TTC27: variants seen among roughly 807,000 people sequenced by gnomAD.
TTC27 encodes tetratricopeptide repeat protein 27.
Under a neutral mutation model 115.9 loss-of-function variants are expected in TTC27, and 79 were observed. The ratio of observed to expected loss-of-function variants is 0.68; its 90% CI spans 0.57 to 0.82. TTC27 has a LOEUF of 0.82. Among genes scored for constraint, TTC27 ranks in the 40% least tolerant of loss-of-function variants. TTC27 has a pLI of 0.00. For synonymous variants in TTC27, 401 were observed against 356.0 expected, an observed-to-expected ratio of 1.13 and a Z score of -1.42; for missense variants, 1,054 against 993.1, an observed-to-expected ratio of 1.06 and a Z score of -0.82.
intron 3 of TTC27, among the ~76,000 whole-genome samples, chr2:32,639,057 C>T (rs1056838114): frequency 6.6e-6 from 1 of 151,998 alleles, no homozygotes; most frequent in Non-Finnish European, 1.5e-5. Context: ...TGGTCTTGAT[C>T]TCCTGACCTC....
intron 9 of TTC27, among the ~76,000 whole-genome samples, chr2:32,700,808 G>A (rs1667159839): frequency 6.6e-6 from 1 of 152,206 alleles, no homozygotes; most frequent in Admixed American, 6.5e-5. Flanking sequence ...CCAAAGTGCT[G>A]GGATTACAGG....
chr2:32,650,042 A>T, intron 4 of TTC27, 89 bp from the exon 5 acceptor site: 4 of 1,058,972 alleles, frequency 3.8e-6, no homozygotes, highest in Non-Finnish European at 5.7e-6. Context: ...AATTTTATGA[A>T]TGTAAAAAAA....
chr2:32,702,920 G>A lies in TTC27; in HGVS notation c.1233G>A (p.Gln411=). 3 of 1,611,300 alleles carry A rather than the reference G, an allele frequency of 1.9e-6. No homozygotes were observed. The South Asian group carries it at 3.3e-5, about 18-fold the overall frequency. The change falls in exon 10 of 20, where the codon CAG becomes CAA. Residue 411 remains glutamine, a splice_region_variant and synonymous_variant. Coordinates refer to ENST00000317907, the MANE Select transcript of TTC27 (RefSeq NM_017735.5). ...TGGAACGGGCAATGAGGCAGACACA[G>A]GTAAGAATTAATGTGGCAATTTGTG... The part of the protein sequence containing the change: ...RRVERAMRQT[Q]ALADQFEDKT...
At chr2:32,741,834 A>C (rs1469706422) in intron 12 of TTC27, among the ~76,000 whole-genome samples, 1 of 152,170 alleles carries the variant, frequency 6.6e-6, no homozygotes, top group Non-Finnish European at 1.5e-5. Flanking sequence ...GGATGACTGC[A>C]TGTGGCAGAA....
intron 12 of TTC27, among the ~76,000 whole-genome samples, chr2:32,750,627 T>C (rs1019947489): frequency 1.9e-4 from 29 of 152,212 alleles, no homozygotes; most frequent in African/African-American, 6.0e-4. Context: ...GATTATTCCA[T>C]AGATTGTGTT....
chr2:32,802,416 C>T (rs77696373), intron 16 of TTC27, among the ~76,000 whole-genome samples: 89 of 152,166 alleles, frequency 5.8e-4, no homozygotes, highest in African/African-American at 2.0e-3. Context: ...TTCCTTTTCT[C>T]CTATTATCAC....
chr2:32,645,219 A>G lies in TTC27; in HGVS notation c.537+4809A>G, dbSNP rs777294865. ...ACAACCCCTAATCTGTGAAGTATAT[A>G]GACTAGAATTGGTACTATGTAAGTG... On this transcript the variant is annotated intron_variant, in intron 4 of 19. Coordinates refer to ENST00000317907, the MANE Select transcript of TTC27 (RefSeq NM_017735.5). Among the ~76,000 whole-genome samples the G allele has an allele frequency of 1.2e-3, 180 of 152,344 alleles. 2 individuals are homozygous for G. The highest frequency in any genetic ancestry group is 3.2e-4 in the Non-Finnish European group (22 of 68,042).
chr2:32,721,921 C>T (rs1177895170), intron 10 of TTC27, among the ~76,000 whole-genome samples: 2 of 152,180 alleles, frequency 1.3e-5, no homozygotes, highest in Admixed American at 1.3e-4. Flanking sequence ...CCTAGCAGTG[C>T]TTCACTTTCC....
intron 8 of TTC27, among the ~76,000 whole-genome samples, chr2:32,677,018 G>C (rs1015036): frequency 0.82 from 124,160 of 151,722 alleles, 50,824 homozygotes; most frequent in Middle Eastern, 0.9. Flanking sequence ...TAACTGTTAT[G>C]CTGAATCTAA....
At chr2:32,701,843 AAAAAT>A (rs1316243700) in intron 9 of TTC27, among the ~76,000 whole-genome samples, 1 of 152,024 alleles carries the variant, frequency 6.6e-6, no homozygotes, top group Non-Finnish European at 1.5e-5. Flanking sequence ...TGTCTCTACA[AAAAAT>A]AAAATAAAAT....
Position 32,736,723 on chromosome 2 carries a change from G to A in TTC27, c.1359G>A (p.Leu453=). The A allele has an allele frequency of 1.9e-6, 3 of 1,613,924 alleles. No homozygotes were observed. The highest frequency in any genetic ancestry group is 2.5e-6 in the Non-Finnish European group (3 of 1,179,886). The change falls in exon 12 of 20, where the codon TTG becomes TTA. Residue 453 remains leucine, a synonymous_variant. Coordinates refer to ENST00000317907, the MANE Select transcript of TTC27 (RefSeq NM_017735.5). Reference sequence around the variant, plus strand: ...AACTTGCAAGTTTGCTCTTTGAGTTGGGATGTACCAGTTCAGCCCTTCAGA... The same window carrying A: ...AACTTGCAAGTTTGCTCTTTGAGTTAGGATGTACCAGTTCAGCCCTTCAGA... ...QRQLASLLFE[L]GCTSSALQIF...
intron 9 of TTC27, among the ~76,000 whole-genome samples, chr2:32,692,610 T>C (rs996568260): frequency 1.3e-5 from 2 of 152,170 alleles, no homozygotes; most frequent in African/African-American, 2.4e-5. Context: ...GAGAAAAGCA[T>C]TTGTAATAGT....
intron 6 of TTC27, among the ~76,000 whole-genome samples, chr2:32,665,301 G>A (rs887144624): frequency 3.3e-5 from 5 of 152,068 alleles, no homozygotes; most frequent in African/African-American, 1.2e-4. Flanking sequence ...CTTATAACTT[G>A]GAACACTGGC....
intron 5 of TTC27, among the ~76,000 whole-genome samples, chr2:32,654,517 G>T (rs1383643808): frequency 6.6e-6 from 1 of 151,870 alleles, no homozygotes; most frequent in East Asian, 1.9e-4. Context: ...TGATTAACAG[G>T]GTATAGCATT....
chr2:32,713,867 CAGGTAAT>C (rs1667666279), intron 10 of TTC27, among the ~76,000 whole-genome samples: 1 of 152,134 alleles, frequency 6.6e-6, no homozygotes, highest in African/African-American at 2.4e-5. Flanking sequence ...TTTCGTCACT[CAGGTAAT>C]AAGCATAGTA....
intron 10 of TTC27, among the ~76,000 whole-genome samples, chr2:32,714,578 C>T (rs1667694986): frequency 6.6e-6 from 1 of 152,116 alleles, no homozygotes; most frequent in Non-Finnish European, 1.5e-5. Context: ...TTATGGTAGA[C>T]TGATTTATAA....
intron 5 of TTC27, among the ~76,000 whole-genome samples, chr2:32,651,017 A>G (rs1037031178): frequency 1.3e-5 from 2 of 152,168 alleles, no homozygotes; most frequent in African/African-American, 4.8e-5. Context: ...TTGCCACACA[A>G]AACAAAAACA....
intron 2 of TTC27, among the ~76,000 whole-genome samples, chr2:32,632,258 C>G (rs972676448): frequency 1.3e-5 from 2 of 151,236 alleles, no homozygotes; most frequent in African/African-American, 4.9e-5. Flanking sequence ...CAATCCTCAC[C>G]TCTGCCTCAC....
At chr2:32,804,157 T>G (rs574107784) in intron 16 of TTC27, among the ~76,000 whole-genome samples, 9 of 152,324 alleles carry the variant, frequency 5.9e-5, no homozygotes, top group African/African-American at 1.9e-4. Flanking sequence ...TGTATATACC[T>G]TTTGTAGAAT....
Sources: allele counts gnomAD v4.1 joint callset (sites outside exome capture counted in the v4.1 genomes callset), GRCh38; gene constraint gnomAD v4.1.1; transcripts MANE v1.5; gene names NCBI Gene and HGNC (gene_info 2026-07-23, HGNC 2026-07-21).